TGFBR3: variants seen among roughly 807,000 people sequenced by gnomAD.
The protein encoded by TGFBR3 is transforming growth factor beta receptor 3, also known as transforming growth factor beta receptor type 3.
TGFBR3 carries 46 observed loss-of-function variants against 87.9 expected under a neutral mutation model. The ratio of observed to expected loss-of-function variants is 0.52; its 90% CI spans 0.41 to 0.67. The LOEUF (loss-of-function observed/expected upper bound fraction) is 0.67. Ranked by LOEUF, TGFBR3 falls within the 30% of genes least tolerant of loss-of-function variation. The pLI is 0.00. For missense variants in TGFBR3, 866 were observed against 1,041.9 expected, an observed-to-expected ratio of 0.83 and a Z score of 2.32; for synonymous variants, 381 against 391.6, an observed-to-expected ratio of 0.97 and a Z score of 0.32.
intron 4 of TGFBR3, among the ~76,000 whole-genome samples, chr1:91,746,124 G>T (rs1673337168): frequency 6.6e-6 from 1 of 152,132 alleles, no homozygotes; most frequent in South Asian, 2.1e-4. Context: ...ACACGTCCAA[G>T]AGGAAAGCTC....
chr1:91,887,702 T>C (rs1419470051), upstream of TGFBR3, among the ~76,000 whole-genome samples: 4 of 152,176 alleles, frequency 2.6e-5, no homozygotes, highest in Non-Finnish European at 2.9e-5. Context: ...ATCCACCCAA[T>C]TGCAGAATTG....
chr1:91,685,474 C>G (rs893983236), intron 16 of TGFBR3, among the ~76,000 whole-genome samples: 8 of 152,022 alleles, frequency 5.3e-5, no homozygotes, highest in Non-Finnish European at 2.9e-5. Context: ...AGGCATGTGC[C>G]ACCATGCCTG....
chr1:91,886,395 G>A (rs960465684), upstream of TGFBR3: 4 of 335,928 alleles, frequency 1.2e-5, no homozygotes, highest in Non-Finnish European at 1.2e-5. Context: ...GCTTCCCTTC[G>A]GGACGAGGAG....
At chr1:91,819,333 A>T (rs1001288233) in intron 2 of TGFBR3, among the ~76,000 whole-genome samples, 1 of 151,728 alleles carries the variant, frequency 6.6e-6, no homozygotes, top group African/African-American at 2.4e-5. Flanking sequence ...GCGCCACTGT[A>T]TTCCAGCCTG....
At chr1:91,904,824 C>T (rs1679810087) in intron 1 of TGFBR3, among the ~76,000 whole-genome samples, 1 of 152,112 alleles carries the variant, frequency 6.6e-6, no homozygotes, top group African/African-American at 2.4e-5. Flanking sequence ...CCTCGGCCTC[C>T]CAAAGTGCTG....
At chr1:91,883,458 T>A (rs1679178329) in intron 1 of TGFBR3, among the ~76,000 whole-genome samples, 1 of 152,238 alleles carries the variant, frequency 6.6e-6, no homozygotes, top group African/African-American at 2.4e-5. Flanking sequence ...TCCTCCATTA[T>A]AAACTCCAAA....
intron 14 of TGFBR3, among the ~76,000 whole-genome samples, chr1:91,706,994 C>A (rs1228092356): frequency 6.6e-6 from 1 of 152,176 alleles, no homozygotes; most frequent in Non-Finnish European, 1.5e-5. Flanking sequence ...CAAACAACAA[C>A]AAAAATGTTG....
chr1:91,688,801 C>T (rs1260021261), intron 16 of TGFBR3, among the ~76,000 whole-genome samples: 2 of 151,980 alleles, frequency 1.3e-5, no homozygotes, highest in African/African-American at 2.4e-5. Context: ...AGAAGTAGCT[C>T]GGGAGGTGCC....
At chr1:91,726,111 T>C (rs548808302) in intron 7 of TGFBR3, among the ~76,000 whole-genome samples, 14 of 152,328 alleles carry the variant, frequency 9.2e-5, no homozygotes, top group African/African-American at 3.4e-4. Context: ...TGCACTGGGA[T>C]GAGCAATCTC....
chr1:91,876,575 T>C (rs1029230631), intron 1 of TGFBR3, among the ~76,000 whole-genome samples: 1 of 152,030 alleles, frequency 6.6e-6, no homozygotes, highest in African/African-American at 2.4e-5. Flanking sequence ...AAAATTCATA[T>C]AACAAAAACC....
At chr1:91,864,026 T>C (rs779469075) in intron 1 of TGFBR3, 43 of 152,190 alleles carry the variant, frequency 2.8e-4, no homozygotes, top group Non-Finnish European at 6.0e-4. Context: ...TATAATAATT[T>C]TGATAAGGAA....
At chr1:91,726,448 T>C (rs922494230) in intron 7 of TGFBR3, among the ~76,000 whole-genome samples, 8 of 151,948 alleles carry the variant, frequency 5.3e-5, no homozygotes, top group South Asian at 4.2e-4. Context: ...CTTCAGATCA[T>C]GGCTAGGCTT....
chr1:91,750,348 C>T (rs1427561264), intron 4 of TGFBR3, among the ~76,000 whole-genome samples: 1 of 152,194 alleles, frequency 6.6e-6, no homozygotes, highest in Non-Finnish European at 1.5e-5. Flanking sequence ...TGAAACTGGG[C>T]TCTTTCCAAT....
At chr1:91,708,536 C>T in intron 14 of TGFBR3, 127 bp downstream of exon 14, 2 of 1,489,408 alleles carry the variant, frequency 1.3e-6, no homozygotes, top group Non-Finnish European at 1.9e-6. Flanking sequence ...AAAAAATGGT[C>T]TTCTAAAGTA....
At chr1:91,789,611 G>T (rs1016267234) in intron 3 of TGFBR3, among the ~76,000 whole-genome samples, 1 of 152,178 alleles carries the variant, frequency 6.6e-6, no homozygotes. Context: ...CTAAACCCCG[G>T]TGTTTGCTAT....
Position 91,820,501 on chromosome 1 carries a change from T to C in TGFBR3, c.62-23030A>G, listed in dbSNP as rs111790973. On this transcript the variant is annotated intron_variant, in intron 2 of 16. Coordinates refer to ENST00000212355, the MANE Select transcript of TGFBR3 (RefSeq NM_003243.5). ...GATCGAGACCATCCTGGCTAACACGTTGAAACCCCGTCTGTACTAAAAAAA... is the reference window on the plus strand; with the variant it reads ...GATCGAGACCATCCTGGCTAACACGCTGAAACCCCGTCTGTACTAAAAAAA... Among the ~76,000 whole-genome samples the C allele has an allele frequency of 5.0e-3, 755 of 151,946 alleles. 9 individuals are homozygous for C. The highest frequency in any genetic ancestry group is 0.017 in the African/African-American group (714 of 41,446).
At chr1:91,864,708 G>A (rs941640679) in intron 1 of TGFBR3, among the ~76,000 whole-genome samples, 1 of 152,134 alleles carries the variant, frequency 6.6e-6, no homozygotes, top group Non-Finnish European at 1.5e-5. Flanking sequence ...CTTAACACCC[G>A]ACTTAGGAAT....
chr1:91,799,727 G>T (rs1032668154), intron 2 of TGFBR3, among the ~76,000 whole-genome samples: 2 of 152,120 alleles, frequency 1.3e-5, no homozygotes, highest in African/African-American at 4.8e-5. Flanking sequence ...AAAAAGGCCT[G>T]CAATCTATTT....
At chr1:91,818,259 AT>A (rs1392121463) in intron 2 of TGFBR3, among the ~76,000 whole-genome samples, 1 of 139,302 alleles carries the variant, frequency 7.2e-6, no homozygotes, top group Non-Finnish European at 1.6e-5. Context: ...CAACTGCACC[AT>A]TTCCCCTTAG....
Sources: allele counts gnomAD v4.1 joint callset (sites outside exome capture counted in the v4.1 genomes callset), GRCh38; gene constraint gnomAD v4.1.1; transcripts MANE v1.5; gene names NCBI Gene and HGNC (gene_info 2026-07-23, HGNC 2026-07-21).